The following VKORC1L1 variants were observed in gnomAD, a reference collection of about 807,000 sequenced individuals.
The protein encoded by VKORC1L1 is vitamin K epoxide reductase complex subunit 1-like protein 1.
VKORC1L1 carries 2 observed loss-of-function variants against 18.9 expected under a neutral mutation model. The observed-to-expected ratio is 0.11, with a 90% CI of 0.04 to 0.33. VKORC1L1 has a LOEUF of 0.33. VKORC1L1 is among the 10% of genes least tolerant of loss of function. The pLI is 1.00. For synonymous variants in VKORC1L1, 96 were observed against 100.0 expected, an observed-to-expected ratio of 0.96 and a Z score of 0.24; for missense variants, 123 against 224.1, an observed-to-expected ratio of 0.55 and a Z score of 2.88.
chr7:65,905,408 T>C (rs775844977), intron 1 of VKORC1L1, among the ~76,000 whole-genome samples: 17 of 152,088 alleles, frequency 1.1e-4, no homozygotes, highest in Non-Finnish European at 2.2e-4. Context: ...CCTTCTGGGT[T>C]CATGCCATTT....
At chr7:65,885,855 AC>A (rs1789002609) in intron 1 of VKORC1L1, among the ~76,000 whole-genome samples, 1 of 152,160 alleles carries the variant, frequency 6.6e-6, no homozygotes, top group African/African-American at 2.4e-5. Flanking sequence ...TCATGAATTT[AC>A]TGTTTCCGGT....
intron 1 of VKORC1L1, among the ~76,000 whole-genome samples, chr7:65,908,402 G>A (rs1288552887): frequency 6.6e-6 from 1 of 152,168 alleles, no homozygotes; most frequent in African/African-American, 2.4e-5. Context: ...GACAGAGCAA[G>A]ACTCCATCTC....
intron 1 of VKORC1L1, among the ~76,000 whole-genome samples, chr7:65,944,790 G>T (rs1790090171): frequency 6.6e-6 from 1 of 151,886 alleles, no homozygotes; most frequent in Non-Finnish European, 1.5e-5. Flanking sequence ...GGTGGTGGAT[G>T]CCTGTGGTGC....
chr7:65,906,337 C>T (rs1789405832), intron 1 of VKORC1L1, among the ~76,000 whole-genome samples: 1 of 151,598 alleles, frequency 6.6e-6, no homozygotes, highest in Non-Finnish European at 1.5e-5. Flanking sequence ...TACCACTCCA[C>T]TCCAGCTTGG....
rs1306775734 is a variant in VKORC1L1, at chr7:65,956,948, A to G, written c.*2648A>G. The G allele has an allele frequency of 6.6e-6, 1 of 152,230 alleles. No individual in the cohort carries two copies. The highest frequency in any genetic ancestry group is 1.5e-5 in the Non-Finnish European group (1 of 68,030). The allele number at this position is 152,230 out of a possible 1,614,324, so 9.4% of individuals were successfully genotyped here. ...TATTGACTTGATGTTCACAAATATC[A>G]TTTGAAGAAATAACAGGAATTGGGG... On this transcript the variant is annotated 3_prime_UTR_variant, in exon 3 of 3. Coordinates refer to ENST00000360768, the MANE Select transcript of VKORC1L1 (RefSeq NM_173517.6).
chr7:65,917,114 C>T (rs1188682775), intron 1 of VKORC1L1, among the ~76,000 whole-genome samples: 5 of 151,996 alleles, frequency 3.3e-5, no homozygotes, highest in Non-Finnish European at 5.9e-5. Flanking sequence ...GACTTTCTCC[C>T]GTGCACCAAG....
At chr7:65,885,401 C>T (rs1403999148) in intron 1 of VKORC1L1, among the ~76,000 whole-genome samples, 2 of 150,824 alleles carry the variant, frequency 1.3e-5, no homozygotes, top group Non-Finnish European at 1.5e-5. Context: ...GTGGTCAGAT[C>T]TTTCACTTAA....
intron 1 of VKORC1L1, among the ~76,000 whole-genome samples, chr7:65,888,329 T>A (rs1351553602): frequency 6.6e-6 from 1 of 152,172 alleles, no homozygotes; most frequent in East Asian, 1.9e-4. Flanking sequence ...GGCACCAAAC[T>A]CCAGGGTAAA....
At chr7:65,884,948 A>G (rs1458240425) in intron 1 of VKORC1L1, among the ~76,000 whole-genome samples, 6 of 152,202 alleles carry the variant, frequency 3.9e-5, no homozygotes, top group Admixed American at 2.0e-4. Context: ...AATTTTTCAC[A>G]TTGATTTAGA....
rs1300216023 is a variant in VKORC1L1, at chr7:65,942,952, C to CA, written c.195-5718dup. Among the ~76,000 whole-genome samples, 8 of 152,254 alleles carry CA rather than the reference C, an allele frequency of 5.3e-5. No individual in the cohort carries two copies. In the South Asian group the frequency reaches 1.5e-3, roughly 28 times the overall value. ...GAACAGATCATTCTGGGCTCTGTGTCAGACAATATAGTGATAACCATATAA... is the reference window on the plus strand; with the variant it reads ...GAACAGATCATTCTGGGCTCTGTGTCAAGACAATATAGTGATAACCATATAA... On this transcript the variant is annotated intron_variant, in intron 1 of 2. Transcript: ENST00000360768.
intron 1 of VKORC1L1, among the ~76,000 whole-genome samples, chr7:65,941,200 C>G (rs373359110): frequency 6.6e-6 from 1 of 152,210 alleles, no homozygotes; most frequent in Non-Finnish European, 1.5e-5. Flanking sequence ...CTTGCAGCCT[C>G]AAACTCCTGG....
At position 65,957,045 on chromosome 7, in the gene VKORC1L1, C is replaced by T. The variant is rs950205751; in HGVS notation, c.*2745C>T. 6.6e-6 allele frequency: 1 copy of T among 152,168 alleles called. No individual in the cohort carries two copies. Among genetic ancestry groups the T allele is most frequent in the Non-Finnish European group, 1.5e-5 (1 of 68,038 alleles). 9.4% of individuals were successfully genotyped at this position (152,168 alleles called of 1,614,324 possible). A position where few individuals can be genotyped will look rare whatever the true frequency, so the allele number is the denominator to read the frequency against. ...TTGTTTTGCATTACAGCTAGTTGCT[C>T]TCACTAAAGGTAAATTTCCGGTGAA... On this transcript the variant is annotated 3_prime_UTR_variant, in exon 3 of 3. Coordinates refer to ENST00000360768, the MANE Select transcript of VKORC1L1 (RefSeq NM_173517.6).
chr7:65,942,100 G>A (rs534105419), intron 1 of VKORC1L1, among the ~76,000 whole-genome samples: 1 of 152,240 alleles, frequency 6.6e-6, no homozygotes, highest in East Asian at 1.9e-4. Context: ...CAGAGGTTAT[G>A]GGACAGGAAT....
intron 1 of VKORC1L1, among the ~76,000 whole-genome samples, chr7:65,941,262 C>T (rs186456556): frequency 3.9e-5 from 6 of 152,080 alleles, no homozygotes; most frequent in Admixed American, 2.0e-4. Context: ...TGTGCCATCA[C>T]GCCCAGCAAT....
At chr7:65,884,056 T>C (rs189484709) in intron 1 of VKORC1L1, among the ~76,000 whole-genome samples, 75 of 152,242 alleles carry the variant, frequency 4.9e-4, no homozygotes, top group African/African-American at 1.7e-3. Flanking sequence ...AACTCCACTG[T>C]GTTTAAAGTG....
At chr7:65,866,486 C>A in the VKORC1L1 span, among the ~76,000 whole-genome samples, 1 of 152,142 alleles carries the variant, frequency 6.6e-6, no homozygotes, top group Admixed American at 6.6e-5. Flanking sequence ...ATTAACTCAC[C>A]ACTTTTTGAA....
rs1554395162 is a variant in VKORC1L1, at chr7:65,895,516, T to TACAC, written c.194+21971_194+21974dup. On this transcript the variant is annotated intron_variant, in intron 1 of 2. Coordinates refer to ENST00000360768, the MANE Select transcript of VKORC1L1 (RefSeq NM_173517.6). ...ATATATATATATATATATATATATATACACACACACACACACACACACATA... is the reference window on the plus strand; with the variant it reads ...ATATATATATATATATATATATATATACACACACACACACACACACACACACATA... 2.8e-3 allele frequency among the ~76,000 whole-genome samples: 197 copies of TACAC among 71,330 alleles called. 2 individuals are homozygous for TACAC. The highest frequency in any genetic ancestry group is 4.2e-3 in the Non-Finnish European group (158 of 37,370). 46.8% of individuals were successfully genotyped at this position (71,330 alleles called of 152,430 possible).
chr7:65,953,402 G>A (rs554569993), intron 2 of VKORC1L1, among the ~76,000 whole-genome samples: 11 of 152,318 alleles, frequency 7.2e-5, no homozygotes, highest in East Asian at 1.9e-4. Context: ...TGTGCAGCTC[G>A]GAAGAAAAAG....
chr7:65,951,896 A>G (rs993539109), intron 2 of VKORC1L1, among the ~76,000 whole-genome samples: 1 of 152,214 alleles, frequency 6.6e-6, no homozygotes, highest in Admixed American at 6.5e-5. Flanking sequence ...AATCCATTGC[A>G]TAATTGTACC....
Sources: allele counts gnomAD v4.1 joint callset (sites outside exome capture counted in the v4.1 genomes callset), GRCh38; gene constraint gnomAD v4.1.1; transcripts MANE v1.5; gene names NCBI Gene and HGNC (gene_info 2026-07-23, HGNC 2026-07-21).